PHACTR1: variants seen among roughly 807,000 people sequenced by gnomAD.
PHACTR1 encodes the protein phosphatase and actin regulator 1.
Under a neutral mutation model 69.2 loss-of-function variants are expected in PHACTR1, and 16 were observed. The ratio of observed to expected loss-of-function variants is 0.23; its 90% confidence interval spans 0.16 to 0.35. The LOEUF is 0.35. PHACTR1 is among the 10% of genes least tolerant of loss of function. The pLI, the probability that PHACTR1 is intolerant of heterozygous loss-of-function variation, is 1.00. For missense variants in PHACTR1, 510 were observed against 734.7 expected, an observed-to-expected ratio of 0.69 and a Z score of 3.54; for synonymous variants, 312 against 284.5, an observed-to-expected ratio of 1.10 and a Z score of -0.97.
chr6:13,252,845 C>T (rs991562865), intron 10 of PHACTR1, among the ~76,000 whole-genome samples: 2 of 152,044 alleles, frequency 1.3e-5, no homozygotes, highest in Non-Finnish European at 2.9e-5. Context: ...GAAAATGAGA[C>T]TTTTATTAAA....
chr6:13,169,028 G>A (rs570491034), intron 6 of PHACTR1, among the ~76,000 whole-genome samples: 9 of 152,268 alleles, frequency 5.9e-5, no homozygotes, highest in East Asian at 1.9e-4. Context: ...CTAGCTGACC[G>A]TTGCTGGGAT....
At chr6:13,229,949 C>T in intron 9 of PHACTR1, 88 bp from the exon 10 acceptor site, 1 of 1,415,960 alleles carries the variant, frequency 7.1e-7, no homozygotes, top group Non-Finnish European at 9.4e-7. Context: ...GACTTCCTTC[C>T]TGCCTTGTAT....
At chr6:12,772,016 G>C (rs1351794243) in intron 4 of PHACTR1, among the ~76,000 whole-genome samples, 2 of 152,162 alleles carry the variant, frequency 1.3e-5, no homozygotes, top group Non-Finnish European at 2.9e-5. Flanking sequence ...TAGACGCCTA[G>C]TTTCAGTGGG....
chr6:12,827,894 G>C (rs1045128555), intron 4 of PHACTR1, among the ~76,000 whole-genome samples: 1 of 152,144 alleles, frequency 6.6e-6, no homozygotes, highest in Non-Finnish European at 1.5e-5. Flanking sequence ...GGGGGGTGAA[G>C]CTTGCAATAA....
At chr6:13,087,783 CTA>C (rs1237582571) in intron 5 of PHACTR1, among the ~76,000 whole-genome samples, 1 of 151,544 alleles carries the variant, frequency 6.6e-6, no homozygotes, top group Non-Finnish European at 1.5e-5. Flanking sequence ...GTAGCTGGGA[CTA>C]TAGGTGCATG....
At chr6:13,264,220 C>G (rs1350687392) in intron 10 of PHACTR1, among the ~76,000 whole-genome samples, 1 of 152,194 alleles carries the variant, frequency 6.6e-6, no homozygotes, top group African/African-American at 2.4e-5. Flanking sequence ...TCCTGCTTCC[C>G]TGCTGTCCCA....
intron 4 of PHACTR1, among the ~76,000 whole-genome samples, chr6:13,036,912 C>G (rs1803397484): frequency 6.6e-6 from 1 of 152,104 alleles, no homozygotes; most frequent in South Asian, 2.1e-4. Flanking sequence ...TTTATCCATT[C>G]AAAAAATAAT....
At chr6:13,125,112 A>G (rs1819335927) in intron 5 of PHACTR1, among the ~76,000 whole-genome samples, 1 of 152,230 alleles carries the variant, frequency 6.6e-6, no homozygotes, top group East Asian at 1.9e-4. Context: ...AAAAGTCCTC[A>G]AACTTTCACG....
At chr6:12,871,252 A>G (rs1203990969) in intron 4 of PHACTR1, among the ~76,000 whole-genome samples, 1 of 152,220 alleles carries the variant, frequency 6.6e-6, no homozygotes, top group South Asian at 2.1e-4. Context: ...TTGGGACATA[A>G]GTATGGATCA....
Position 12,731,097 on chromosome 6 carries a change from C to T in PHACTR1, c.103+12250C>T, listed in dbSNP as rs906816901. 9.9e-5 allele frequency among the ~76,000 whole-genome samples: 15 copies of T among 151,708 alleles called. No individual in the cohort carries two copies. The East Asian group carries it at 2.9e-3, about 29-fold the overall frequency. On this transcript the variant is annotated intron_variant, in intron 3 of 14. Transcript: ENST00000332995. ...GTGGCACGATATTGTCTCACTGCAACCTCTGCCTCCTGGGTTCAAGCAATT... is the reference window on the plus strand; with the variant it reads ...GTGGCACGATATTGTCTCACTGCAATCTCTGCCTCCTGGGTTCAAGCAATT...
chr6:13,076,039 T>C (rs1810417953), intron 5 of PHACTR1, among the ~76,000 whole-genome samples: 1 of 151,846 alleles, frequency 6.6e-6, no homozygotes, highest in Non-Finnish European at 1.5e-5. Flanking sequence ...TTTTTTTTTT[T>C]TTTTCTGGTT....
At chr6:12,766,604 G>T (rs182606301) in intron 4 of PHACTR1, among the ~76,000 whole-genome samples, 16 of 152,226 alleles carry the variant, frequency 1.1e-4, no homozygotes, top group African/African-American at 3.9e-4. Context: ...ATACACCATG[G>T]AAGTCAGCAA....
intron 4 of PHACTR1, among the ~76,000 whole-genome samples, chr6:12,818,835 C>T (rs182905472): frequency 1.6e-3 from 240 of 152,320 alleles, no homozygotes; most frequent in Admixed American, 3.3e-3. Context: ...TGGTCCAGAA[C>T]TCTCCATACA....
intron 4 of PHACTR1, among the ~76,000 whole-genome samples, chr6:12,794,189 A>G (rs1772687507): frequency 1.3e-5 from 2 of 152,248 alleles, no homozygotes; most frequent in African/African-American, 4.8e-5. Flanking sequence ...AGGCCCTCAA[A>G]TATGAGACCC....
chr6:13,180,894 A>G (rs963463696), intron 6 of PHACTR1, among the ~76,000 whole-genome samples: 7 of 152,172 alleles, frequency 4.6e-5, no homozygotes, highest in Non-Finnish European at 5.9e-5. Flanking sequence ...TACAGTCTGC[A>G]CTGCTTTTGC....
Position 12,944,869 on chromosome 6 carries a change from G to A in PHACTR1, c.251-108496G>A, listed in dbSNP as rs374873972. 1.7e-4 allele frequency among the ~76,000 whole-genome samples: 25 copies of A among 151,136 alleles called. 1 individual carries two copies. In the East Asian group the frequency reaches 2.9e-3, roughly 18 times the overall value. The stretch of plus-strand genomic sequence containing the variant: ...GCGATCTCGGCTCACTGCGAGCTCC[G>A]CCTCCCGGGTTCACGCCATTCTCCT... On this transcript the variant is annotated intron_variant, in intron 4 of 14. Coordinates refer to ENST00000332995, the MANE Select transcript of PHACTR1 (RefSeq NM_030948.6).
intron 4 of PHACTR1, among the ~76,000 whole-genome samples, chr6:12,890,401 G>A (rs557708476): frequency 4.6e-5 from 7 of 152,086 alleles, no homozygotes; most frequent in Admixed American, 2.6e-4. Flanking sequence ...GTTGCAAGGC[G>A]GACTATGAGC....
intron 10 of PHACTR1, chr6:13,272,374 T>C (rs1777918973): frequency 6.2e-6 from 1 of 160,188 alleles, no homozygotes. Flanking sequence ...GAGCAGCCAT[T>C]GTTCTCTGCA....
At chr6:12,803,721 A>G (rs1581824180) in intron 4 of PHACTR1, among the ~76,000 whole-genome samples, 1 of 152,300 alleles carries the variant, frequency 6.6e-6, no homozygotes, top group East Asian at 1.9e-4. Context: ...CGGGATAATT[A>G]TTTGGTGAAG....
Sources: gnomAD v4.1 joint callset for allele counts (sites outside exome capture counted in the v4.1 genomes callset) on GRCh38, gnomAD v4.1.1 for gene constraint, MANE v1.5 for transcripts, NCBI Gene and HGNC (gene_info 2026-07-23, HGNC 2026-07-21) for gene names.